Variants in SNF8 observed in about 807,000 individuals in gnomAD.
SNF8 encodes vacuolar-sorting protein SNF8.
A neutral mutation model predicts 36.8 loss-of-function variants in SNF8; 19 were observed. That is an observed-to-expected ratio of 0.52 (90% CI 0.36 to 0.76). The LOEUF is 0.76. SNF8 is among the 30% of genes least tolerant of loss of function. The pLI, the probability that SNF8 is intolerant of heterozygous loss-of-function variation, is 0.00. For missense variants in SNF8, 268 were observed against 322.9 expected, an observed-to-expected ratio of 0.83 and a Z score of 1.30; for synonymous variants, 127 against 127.4, an observed-to-expected ratio of 1.00 and a Z score of 0.02.
chr17:48,942,847 CTTTT>C (rs71144543), intron 2 of SNF8, among the ~76,000 whole-genome samples: 1 of 86,184 alleles, frequency 1.2e-5, no homozygotes, highest in Non-Finnish European at 2.0e-5. Context: ...CGCACCCGGC[CTTTT>C]TTTTTTTTTT....
intron 4 of SNF8, 156 bp downstream of exon 4, chr17:48,936,864 T>C: frequency 2.9e-6 from 2 of 681,288 alleles, no homozygotes; most frequent in Non-Finnish European, 5.3e-6. Flanking sequence ...CCCTTGGCCA[T>C]GGAGACTTGC....
intron 4 of SNF8, 40 bp downstream of exon 4, chr17:48,936,980 G>A (rs371124582): frequency 1.4e-6 from 2 of 1,392,626 alleles, no homozygotes; most frequent in Non-Finnish European, 2.0e-6. Context: ...CCCTCTCAGA[G>A]AAGTCCAGAG....
At chr17:48,932,917 AC>A in intron 6 of SNF8, 1 of 317,756 alleles carries the variant, frequency 3.1e-6, no homozygotes, top group Non-Finnish European at 5.7e-6. Flanking sequence ...GAGTCTGGCT[AC>A]CCAAAGAAAT....
chr17:48,936,038 T>A, intron 5 of SNF8, 132 bp downstream of exon 5: 1 of 621,642 alleles, frequency 1.6e-6, no homozygotes, highest in South Asian at 2.0e-5. Context: ...TTTGTTTTTT[T>A]TTTTCCTGTA....
At chr17:48,938,554 T>C (rs8065900) in intron 3 of SNF8, among the ~76,000 whole-genome samples, 19,954 of 149,424 alleles carry the variant, frequency 0.13, 1,435 homozygotes, top group African/African-American at 0.15. Flanking sequence ...GTAATTATAT[T>C]ATAATCCCAT....
Position 48,944,609 on chromosome 17 carries a change from G to C in SNF8, c.54+72C>G, listed in dbSNP as rs1256558352. On this transcript the variant is annotated intron_variant, in intron 1 of 7. Coordinates refer to ENST00000502492, the MANE Select transcript of SNF8 (RefSeq NM_007241.4). ...CTGTTGGGAGGTGATTAACGGGTAG[G>C]ACACTGCTCCGGGACAATTCAGTCT... 3.3e-6 allele frequency: 5 copies of C among 1,503,286 alleles called. No homozygotes were observed. In the African/African-American group the frequency reaches 4.2e-5, roughly 13 times the overall value. The allele number at this position is 1,503,286 out of a possible 1,614,324, so 93.1% of individuals were successfully genotyped here.
At chr17:48,931,935 C>T (rs912160493) in intron 6 of SNF8, 34 of 413,028 alleles carry the variant, frequency 8.2e-5, no homozygotes, top group Middle Eastern at 6.2e-4. Context: ...ACTGGGGTAC[C>T]GGCCAGGCAC....
chr17:48,934,811 TC>T (rs1345625861), intron 5 of SNF8, among the ~76,000 whole-genome samples: 1 of 151,998 alleles, frequency 6.6e-6, no homozygotes, highest in East Asian at 1.9e-4. Context: ...CACCTCAGCC[TC>T]CCAAAGGGCT....
chr17:48,939,520 C>T (rs9747646), intron 3 of SNF8, among the ~76,000 whole-genome samples: 60,010 of 144,890 alleles, frequency 0.41, 14,725 homozygotes, highest in East Asian at 0.7. Context: ...TGTGCAGGGG[C>T]GCGACCTTGG....
chr17:48,936,089 T>C (rs2040930244), intron 5 of SNF8, 81 bp downstream of exon 5: 2 of 984,094 alleles, frequency 2.0e-6, no homozygotes, highest in Admixed American at 3.7e-5. Context: ...AGCCTAGACA[T>C]GAGGAATAGG....
At chr17:48,939,578 G>A (rs1340627411) in intron 3 of SNF8, among the ~76,000 whole-genome samples, 1 of 149,840 alleles carries the variant, frequency 6.7e-6, no homozygotes, top group Non-Finnish European at 1.5e-5. Flanking sequence ...TCCTGCTTCA[G>A]CCTCCCGAGT....
intron 5 of SNF8, 165 bp from the exon 6 acceptor site, chr17:48,933,511 T>C (rs985463688): frequency 4.2e-6 from 3 of 707,182 alleles, no homozygotes; most frequent in East Asian, 2.7e-5. Context: ...GATGCCCACA[T>C]TGAGAAGACT....
chr17:48,944,615 G>T, intron 1 of SNF8, 66 bp downstream of exon 1: 1 of 1,539,768 alleles, frequency 6.5e-7, no homozygotes, highest in Non-Finnish European at 9.0e-7. Context: ...GTAGGACACT[G>T]CTCCGGGACA....
intron 3 of SNF8, 53 bp from the exon 4 acceptor site, chr17:48,937,177 T>A: frequency 7.4e-7 from 1 of 1,346,016 alleles, no homozygotes; most frequent in South Asian, 1.2e-5. Flanking sequence ...CATCCCTTCT[T>A]TTCTTTCAAA....
At chr17:48,930,673 G>A (rs2040845519) in intron 7 of SNF8, 61 bp from the exon 8 acceptor site, 4 of 1,540,580 alleles carry the variant, frequency 2.6e-6, no homozygotes, top group South Asian at 1.2e-5. Flanking sequence ...ACAAAGGGTA[G>A]GTAAGCAACC....
chr17:48,936,743 G>T, intron 4 of SNF8: 2 of 486,802 alleles, frequency 4.1e-6, no homozygotes, highest in Non-Finnish European at 7.3e-6. Context: ...GACATCAGGG[G>T]AAAAGGCCTA....
In SNF8 at chr17:48,937,073, T is replaced by A; in HGVS notation, c.296A>T (p.Glu99Val). ...CACTTCGATAATTTGGACACCTAGT[T>A]CGTAATAGAAGTCCCCCACGCCCAG... ...EMLGVGDFYYELGVQIIEVCL... is the reference protein window; with the variant it reads ...EMLGVGDFYYVLGVQIIEVCL... The change falls in exon 4 of 8, where the codon GAA (glutamate) becomes GTA (valine). Residue 99 changes from glutamate (E) to valine (V), a missense_variant. Physicochemically the swap from Glu to Val is moderately radical, Grantham distance 121. Coordinates refer to ENST00000502492, the MANE Select transcript of SNF8 (RefSeq NM_007241.4). The A allele has an allele frequency of 1.2e-6, 2 of 1,614,180 alleles. No homozygotes were observed. Among genetic ancestry groups the A allele is most frequent in the Non-Finnish European group, 1.7e-6 (2 of 1,180,020 alleles).
intron 4 of SNF8, 188 bp downstream of exon 4, chr17:48,936,832 A>T: frequency 1.6e-6 from 1 of 618,652 alleles, no homozygotes; most frequent in Non-Finnish European, 2.9e-6. Flanking sequence ...AACAGAGACA[A>T]TCGTTCAGGT....
rs2040932254 is a variant in SNF8, at chr17:48,936,223, T to A, written c.369A>T (p.Glu123Asp). Residue 123 changes from glutamate (E) to aspartate (D), a missense_variant, in exon 5 of 8, where the codon GAA becomes GAT. Transcript: ENST00000502492. Reference sequence around the variant, plus strand: ...TTCCCTTCAACACCTGTTGATGTAGTTCCTCCAAAGTTATCAGACCTGTTT... The same window carrying A: ...TTCCCTTCAACACCTGTTGATGTAGATCCTCCAAAGTTATCAGACCTGTTT... ...HRNGGLITLE[E>D]LHQQVLKGRG... 1 of 1,613,832 alleles carries A rather than the reference T, an allele frequency of 6.2e-7. No homozygotes were observed.
Sources: allele counts gnomAD v4.1 joint callset (sites outside exome capture counted in the v4.1 genomes callset), GRCh38; gene constraint gnomAD v4.1.1; transcripts MANE v1.5; gene names NCBI Gene and HGNC (gene_info 2026-07-23, HGNC 2026-07-21).